Variants in RAD51B observed in about 807,000 individuals in gnomAD.
RAD51B encodes RAD51 paralog B, also known as DNA repair protein RAD51 homolog 2.
A neutral mutation model predicts 42.2 loss-of-function variants in RAD51B; 38 were observed. The observed-to-expected ratio is 0.90, with a 90% CI of 0.70 to 1.18. RAD51B has a LOEUF of 1.18. Ranked by LOEUF, RAD51B falls within the 50% of genes most tolerant of loss-of-function variation. The pLI is 0.00. For missense variants in RAD51B, 373 were observed against 400.7 expected, an observed-to-expected ratio of 0.93 and a Z score of 0.59; for synonymous variants, 154 against 145.2, an observed-to-expected ratio of 1.06 and a Z score of -0.43.
intron 7 of RAD51B, among the ~76,000 whole-genome samples, chr14:68,073,991 G>T (rs1403735950): frequency 7.9e-5 from 12 of 152,224 alleles, no homozygotes; most frequent in Non-Finnish European, 1.8e-4. Flanking sequence ...AGGATTTGAC[G>T]ACTGGGTGCT....
At chr14:68,137,792 G>A (rs1011949634) in intron 7 of RAD51B, among the ~76,000 whole-genome samples, 5 of 152,180 alleles carry the variant, frequency 3.3e-5, no homozygotes, top group Admixed American at 3.3e-4. Context: ...ATGACTGACT[G>A]GCATTCCCTA....
At chr14:68,682,179 A>T (rs1333686579) in intron 11 of RAD51B, among the ~76,000 whole-genome samples, 1 of 152,200 alleles carries the variant, frequency 6.6e-6, no homozygotes, top group Non-Finnish European at 1.5e-5. Context: ...ACCTACAGAT[A>T]TTAAATTACT....
intron 8 of RAD51B, among the ~76,000 whole-genome samples, chr14:68,405,647 C>T (rs890057823): frequency 4.6e-5 from 7 of 152,140 alleles, no homozygotes; most frequent in Admixed American, 3.9e-4. Flanking sequence ...ATGGCCCTTA[C>T]TTAAGACTTG....
chr14:68,366,760 G>T (rs1403188546), intron 8 of RAD51B, among the ~76,000 whole-genome samples: 1 of 152,192 alleles, frequency 6.6e-6, no homozygotes, highest in African/African-American at 2.4e-5. Context: ...CTCTCAAGAG[G>T]TTCTTATGTT....
chr14:68,339,049 C>T, intron 8 of RAD51B: 1 of 669,772 alleles, frequency 1.5e-6, no homozygotes, highest in South Asian at 1.5e-5. Context: ...ATGGGATCGA[C>T]ATCGTGTGCA....
chr14:68,181,371 CA>C (rs1276688306), intron 7 of RAD51B, among the ~76,000 whole-genome samples: 3 of 152,222 alleles, frequency 2.0e-5, no homozygotes, highest in African/African-American at 7.2e-5. Flanking sequence ...GTCCAGGGCT[CA>C]CTAATGCACC....
chr14:68,245,439 A>G (rs2080475593), intron 7 of RAD51B, among the ~76,000 whole-genome samples: 1 of 152,232 alleles, frequency 6.6e-6, no homozygotes, highest in Admixed American at 6.5e-5. Context: ...ATGATCTGCT[A>G]GTGTGTGATG....
intron 4 of RAD51B, among the ~76,000 whole-genome samples, chr14:67,850,001 C>A (rs77524351): frequency 1.3e-5 from 2 of 152,100 alleles, no homozygotes; most frequent in African/African-American, 4.8e-5. Flanking sequence ...GTTGGCACTT[C>A]TAAATTTTTG....
In RAD51B at chr14:68,468,164, A is replaced by G. The variant is rs1281408511; in HGVS notation, c.958-8A>G. 1.2e-6 allele frequency: 2 copies of G among 1,612,756 alleles called. No individual in the cohort carries two copies. The highest frequency in any genetic ancestry group is 1.1e-5 in the South Asian group (1 of 91,060). ...GACTAACCCTAGAAAAATGTGCTTT[A>G]TGTGCAGATTCTTATTGCCAAGTCC... On this transcript the variant is annotated splice_polypyrimidine_tract_variant and splice_region_variant and intron_variant, in intron 9 of 10. Coordinates refer to ENST00000471583, the MANE Select transcript of RAD51B (RefSeq NM_133510.4).
At chr14:68,168,048 A>G (rs2078789129) in intron 7 of RAD51B, among the ~76,000 whole-genome samples, 1 of 152,052 alleles carries the variant, frequency 6.6e-6, no homozygotes, top group Non-Finnish European at 1.5e-5. Flanking sequence ...CTAAGCTGTG[A>G]GAGTTTGGAA....
At chr14:68,106,112 A>G (rs539797811) in intron 7 of RAD51B, among the ~76,000 whole-genome samples, 1 of 151,964 alleles carries the variant, frequency 6.6e-6, no homozygotes, top group African/African-American at 2.4e-5. Context: ...GAGGCTGCAT[A>G]TAGTAACTGG....
At chr14:68,166,853 T>C (rs536696128) in intron 7 of RAD51B, among the ~76,000 whole-genome samples, 1 of 152,288 alleles carries the variant, frequency 6.6e-6, no homozygotes, top group East Asian at 1.9e-4. Context: ...ATGGAATATC[T>C]ATCCACCCCA....
intron 7 of RAD51B, among the ~76,000 whole-genome samples, chr14:67,951,054 A>T (rs1289526857): frequency 6.6e-6 from 1 of 152,214 alleles, no homozygotes; most frequent in Non-Finnish European, 1.5e-5. Context: ...CATAACAGGT[A>T]TGACAATAAT....
At chr14:68,314,773 G>C (rs1031249201) in intron 8 of RAD51B, among the ~76,000 whole-genome samples, 1 of 152,186 alleles carries the variant, frequency 6.6e-6, no homozygotes, top group Non-Finnish European at 1.5e-5. Context: ...TCAGAGTACA[G>C]ACAGAGCTCC....
chr14:67,988,248 C>T (rs185903580), intron 7 of RAD51B, among the ~76,000 whole-genome samples: 155 of 152,192 alleles, frequency 1.0e-3, no homozygotes, highest in Middle Eastern at 3.4e-3. Context: ...ATCATGAGGT[C>T]AGGAGTTCGA....
At chr14:68,118,524 A>G (rs1180590714) in intron 7 of RAD51B, among the ~76,000 whole-genome samples, 1 of 152,164 alleles carries the variant, frequency 6.6e-6, no homozygotes, top group Admixed American at 6.5e-5. Context: ...CTTGTCAACT[A>G]TGTCTTTTAT....
intron 9 of RAD51B, among the ~76,000 whole-genome samples, chr14:68,427,587 A>G (rs2084884058): frequency 6.6e-6 from 1 of 152,220 alleles, no homozygotes; most frequent in East Asian, 1.9e-4. Flanking sequence ...GGGAATGTCT[A>G]TCCTATGCCT....
At chr14:68,199,948 C>T (rs190272127) in intron 7 of RAD51B, among the ~76,000 whole-genome samples, 2 of 152,204 alleles carry the variant, frequency 1.3e-5, no homozygotes, top group Non-Finnish European at 2.9e-5. Flanking sequence ...TCCCCACAGT[C>T]GAGCTCTGGA....
intron 7 of RAD51B, among the ~76,000 whole-genome samples, chr14:68,245,659 C>T (rs2080481306): frequency 6.6e-6 from 1 of 152,142 alleles, no homozygotes; most frequent in African/African-American, 2.4e-5. Flanking sequence ...GACGCATATC[C>T]CTAAAAGGCG....
Sources: gnomAD v4.1 joint callset for allele counts (sites outside exome capture counted in the v4.1 genomes callset) on GRCh38, gnomAD v4.1.1 for gene constraint, MANE v1.5 for transcripts, NCBI Gene and HGNC (gene_info 2026-07-23, HGNC 2026-07-21) for gene names.